The following VCF1 variants were observed in gnomAD, a reference collection of about 807,000 sequenced individuals.
The protein encoded by VCF1 is protein VCF1.
At chr17:73,212,431 A>T in the VCF1 span, among the ~76,000 whole-genome samples, 1 of 152,158 alleles carries the variant, frequency 6.6e-6, no homozygotes, top group Non-Finnish European at 1.5e-5. Context: ...TTTCTAGAAT[A>T]AAAAAATAAA....
At chr17:73,231,958 C>T in the VCF1 span, 2 of 1,014,250 alleles carry the variant, frequency 2.0e-6, no homozygotes, top group Non-Finnish European at 1.4e-6. Context: ...CCTCCCCCGG[C>T]CCGCAGTGCA....
the VCF1 span, among the ~76,000 whole-genome samples, chr17:73,231,846 G>A: frequency 6.6e-5 from 10 of 152,072 alleles, no homozygotes; most frequent in African/African-American, 2.2e-4. Flanking sequence ...AAAAGACAGG[G>A]GGGAAAAAAG....
At chr17:73,225,826 A>C in the VCF1 span, among the ~76,000 whole-genome samples, 1 of 148,784 alleles carries the variant, frequency 6.7e-6, no homozygotes, top group Non-Finnish European at 1.5e-5. Flanking sequence ...CTTTCTGATA[A>C]TCATTTTTTA....
chr17:73,225,896 T>A, the VCF1 span, among the ~76,000 whole-genome samples: 1 of 72,604 alleles, frequency 1.4e-5, no homozygotes, highest in African/African-American at 5.5e-5. Flanking sequence ...TATATATATA[T>A]ATATTTTTTT....
chr17:73,226,233 G>C, the VCF1 span, among the ~76,000 whole-genome samples: 4 of 152,160 alleles, frequency 2.6e-5, no homozygotes, highest in Admixed American at 2.0e-4. Flanking sequence ...AACAGCTATA[G>C]AAACTCAGGT....
chr17:73,211,426 G>A, the VCF1 span, among the ~76,000 whole-genome samples: 7 of 152,200 alleles, frequency 4.6e-5, no homozygotes, highest in East Asian at 3.9e-4. Flanking sequence ...AAAATTAGCC[G>A]GGCATGGTGG....
At chr17:73,218,205 C>A in the VCF1 span, among the ~76,000 whole-genome samples, 2 of 152,194 alleles carry the variant, frequency 1.3e-5, no homozygotes, top group East Asian at 1.9e-4. Flanking sequence ...TCTATCAGAG[C>A]ATCTAATGTA....
At chr17:73,212,734 G>A in the VCF1 span, 3 of 1,585,838 alleles carry the variant, frequency 1.9e-6, no homozygotes, top group Non-Finnish European at 2.6e-6. Flanking sequence ...CTCATTACAG[G>A]TACTGTCTGA....
At chr17:73,229,345 C>T in the VCF1 span, 1 of 985,306 alleles carries the variant, frequency 1.0e-6, no homozygotes, top group Non-Finnish European at 1.2e-6. Flanking sequence ...CATGCTCATC[C>T]CTATCAGTTC....
the VCF1 span, chr17:73,229,543 A>G: frequency 1.0e-6 from 1 of 985,314 alleles, no homozygotes; most frequent in African/African-American, 1.7e-5. Context: ...CCTTCCTGTC[A>G]TCTCCTAGAG....
the VCF1 span, chr17:73,232,367 C>G: frequency 6.8e-7 from 1 of 1,460,012 alleles, no homozygotes. Context: ...CCAACCGCAC[C>G]GACTGGTAAC....
At chr17:73,209,295 A>C in the VCF1 span, 1 of 586,914 alleles carries the variant, frequency 1.7e-6, no homozygotes, top group Non-Finnish European at 3.0e-6. Flanking sequence ...CATAGATTTG[A>C]TACCCTCCCT....
chr17:73,218,745 C>A, the VCF1 span, among the ~76,000 whole-genome samples: 1 of 151,994 alleles, frequency 6.6e-6, no homozygotes, highest in Non-Finnish European at 1.5e-5. Flanking sequence ...AATGGCCAGG[C>A]GCAGTGGCTC....
the VCF1 span, chr17:73,229,148 T>C: frequency 1.0e-6 from 1 of 985,452 alleles, no homozygotes; most frequent in South Asian, 4.7e-5. Flanking sequence ...CCTCATAAAT[T>C]ACTTGATCTC....
chr17:73,221,226 A>G, the VCF1 span, among the ~76,000 whole-genome samples: 1 of 151,390 alleles, frequency 6.6e-6, no homozygotes, highest in African/African-American at 2.5e-5. Context: ...CTTCCCTCCT[A>G]AGGATGAGAA....
At chr17:73,224,975 C>CACA in the VCF1 span, among the ~76,000 whole-genome samples, 2 of 63,506 alleles carry the variant, frequency 3.1e-5, no homozygotes, top group East Asian at 6.5e-4. Context: ...CACAGCACAG[C>CACA]ACAGCACAGC....
chr17:73,211,336 C>T, the VCF1 span, among the ~76,000 whole-genome samples: 2 of 152,140 alleles, frequency 1.3e-5, no homozygotes, highest in East Asian at 3.9e-4. Flanking sequence ...AAAAATTGGC[C>T]GGGTGCAGTG....
the VCF1 span, among the ~76,000 whole-genome samples, chr17:73,224,309 G>T: frequency 2.3e-4 from 35 of 150,650 alleles, no homozygotes; most frequent in African/African-American, 8.5e-4. Context: ...ACCCAGCATG[G>T]TAGCATGTGC....
the VCF1 span, among the ~76,000 whole-genome samples, chr17:73,219,866 T>G: frequency 1.1e-4 from 17 of 151,354 alleles, no homozygotes; most frequent in African/African-American, 2.4e-5. Context: ...TCCCAGTTAC[T>G]CAGGAGGCTG....
Sources: gnomAD v4.1 joint callset for allele counts (sites outside exome capture counted in the v4.1 genomes callset) on GRCh38, gnomAD v4.1.1 for gene constraint, MANE v1.5 for transcripts, NCBI Gene and HGNC (gene_info 2026-07-23, HGNC 2026-07-21) for gene names.